Variants in ANKHD1 observed in about 807,000 individuals in gnomAD.
ANKHD1 encodes the protein ankyrin repeat and KH domain containing 1, also known as ankyrin repeat and KH domain-containing protein 1.
In ANKHD1, 31 loss-of-function variants were observed where a neutral mutation model predicts 230.5. The ratio of observed to expected loss-of-function variants is 0.13; its 90% CI spans 0.10 to 0.18. ANKHD1 has a LOEUF of 0.18. ANKHD1 is among the 10% of genes least tolerant of loss of function. ANKHD1 has a pLI of 1.00. For missense variants in ANKHD1, 2,256 were observed against 3,071.3 expected (o/e 0.73, Z 6.27); for synonymous variants, 1,074 against 1,117.6 (o/e 0.96, Z 0.78).
At chr5:140,538,872 T>C in intron 32 of ANKHD1, 47 bp from the exon 33 acceptor site, 1 of 1,407,592 alleles carries the variant, frequency 7.1e-7, no homozygotes, top group Non-Finnish European at 9.3e-7. Flanking sequence ...AGTAATTTTA[T>C]AATTTATAGT....
chr5:140,416,643 C>CT (rs1027897108), intron 1 of ANKHD1, among the ~76,000 whole-genome samples: 90 of 151,774 alleles, frequency 5.9e-4, no homozygotes, highest in African/African-American at 1.5e-3. Context: ...CAAATTTGTT[C>CT]TTTTTTTTAA....
rs1210881623 is a variant in ANKHD1, at chr5:140,528,553, T to C, written c.5607T>C (p.His1869=). 2 of 1,614,204 alleles carry C rather than the reference T, an allele frequency of 1.2e-6. No individual in the cohort carries two copies. Among genetic ancestry groups the C allele is most frequent in the South Asian group, 2.2e-5 (2 of 91,080 alleles). ...LAAQTMQQIR[H]PRLPMAQFGG... is the part of the protein sequence containing the mutation. ...CTCAAACTATGCAACAGATTCGGCA[T>C]CCTCGCTTACCCATGGCCCAGTTTG... The change falls in exon 29 of 34, where the codon CAT becomes CAC. Residue 1869 remains histidine, a synonymous_variant. Transcript: ENST00000360839.
rs1055076123 is a variant in ANKHD1 at position 140,539,731 on chromosome 5, G to A, written c.*313G>A. The A allele has an allele frequency of 9.0e-5, 19 of 212,070 alleles. No individual in the cohort carries two copies. The highest frequency in any genetic ancestry group is 8.4e-5 in the Non-Finnish European group (9 of 107,450). The allele number at this position is 212,070 out of a possible 1,614,324, so 13.1% of individuals were successfully genotyped here. A position where few individuals can be genotyped will look rare whatever the true frequency, so the allele number is the denominator to read the frequency against. Reference sequence around the variant, plus strand: ...TAGGGTGATAAATACATGTATAATTGTTTACATACTTAAAAGGAAAAAGTT... The same window carrying A: ...TAGGGTGATAAATACATGTATAATTATTTACATACTTAAAAGGAAAAAGTT... On this transcript the variant is annotated 3_prime_UTR_variant, in exon 34 of 34. Transcript: ENST00000360839.
At position 140,466,266 on chromosome 5, in the gene ANKHD1, C is replaced by G. The variant is rs900137977; in HGVS notation, c.1782+1490C>G. Among the ~76,000 whole-genome samples the G allele has an allele frequency of 3.3e-5, 5 of 152,086 alleles. No individual in the cohort carries two copies. In the East Asian group the frequency reaches 9.6e-4, roughly 29 times the overall value. On this transcript the variant is annotated intron_variant, in intron 10 of 33. Transcript: ENST00000360839. ...GTTAGCTGGGTGTGGTGGCACATGC[C>G]TGTAATCCCAGCTACTTGGGAGGCT...
chr5:140,493,621 T>TAAC (rs1751903601), intron 14 of ANKHD1, among the ~76,000 whole-genome samples: 1 of 152,242 alleles, frequency 6.6e-6, no homozygotes, highest in African/African-American at 2.4e-5. Context: ...CAATCTGTTT[T>TAAC]ATTCTTGATG....
rs374290769 is a variant in ANKHD1 at position 140,417,000 on chromosome 5, A to G, written c.306+14727A>G. On this transcript the variant is annotated intron_variant, in intron 1 of 33. Transcript: ENST00000360839. ...ATAATAATTATTAGCAAATCAAAGG[A>G]CTTGATCTGGACAAAATATTAAAAA... is the stretch of plus-strand genomic sequence containing the variant. Among the ~76,000 whole-genome samples, 4 of 152,100 alleles carry G rather than the reference A, an allele frequency of 2.6e-5. No individual in the cohort carries two copies. The East Asian group carries it at 7.7e-4, about 29-fold the overall frequency.
intron 8 of ANKHD1, 32 bp downstream of exon 8, chr5:140,458,894 A>T: frequency 6.5e-7 from 1 of 1,547,714 alleles, no homozygotes; most frequent in Admixed American, 1.8e-5. Flanking sequence ...TAGAAAAATC[A>T]GTTTTCTTTG....
rs139179628 is a variant in ANKHD1, at chr5:140,406,510, G to C, written c.306+4237G>C. ...AAAAACAAGCTACTCTTTCTTGCTG[G>C]CCAAGCAAAAGACCTTTTGGTTAGA... is the stretch of plus-strand genomic sequence containing the variant. On this transcript the variant is annotated intron_variant, in intron 1 of 33. Coordinates refer to ENST00000360839, the MANE Select transcript of ANKHD1 (RefSeq NM_017747.3). 8.1e-3 allele frequency among the ~76,000 whole-genome samples: 1,226 copies of C among 151,784 alleles called. 9 individuals carry two copies. The highest frequency in any genetic ancestry group is 0.014 in the Non-Finnish European group (935 of 67,964).
intron 6 of ANKHD1, 140 bp from the exon 7 acceptor site, chr5:140,449,071 C>A: frequency 1.3e-5 from 11 of 830,120 alleles, no homozygotes; most frequent in Non-Finnish European, 1.6e-5. Flanking sequence ...CTTTGTAAAA[C>A]TGTTACTGAT....
At chr5:140,489,631 T>A (rs1275702618) in intron 14 of ANKHD1, among the ~76,000 whole-genome samples, 1 of 152,258 alleles carries the variant, frequency 6.6e-6, no homozygotes, top group Non-Finnish European at 1.5e-5. Flanking sequence ...ATTTTTTAAG[T>A]TTATACTCTA....
At chr5:140,416,769 G>A (rs942646915) in intron 1 of ANKHD1, among the ~76,000 whole-genome samples, 2 of 151,842 alleles carry the variant, frequency 1.3e-5, no homozygotes, top group African/African-American at 4.8e-5. Context: ...ACAAGTGTGA[G>A]GCACCATGCC....
At chr5:140,462,569 C>T (rs1008205300) in intron 9 of ANKHD1, among the ~76,000 whole-genome samples, 1 of 150,930 alleles carries the variant, frequency 6.6e-6, no homozygotes, top group Admixed American at 6.6e-5. Context: ...CTAAAAAATA[C>T]AAAAAATTAG....
intron 24 of ANKHD1, 135 bp from the exon 25 acceptor site, chr5:140,523,931 T>C (rs1290504737): frequency 6.7e-6 from 8 of 1,195,786 alleles, no homozygotes; most frequent in Non-Finnish European, 8.9e-6. Flanking sequence ...CAGTTTATTT[T>C]TTCTTGTTGG....
At chr5:140,509,218 G>T (rs925328937) in intron 20 of ANKHD1, among the ~76,000 whole-genome samples, 6 of 152,092 alleles carry the variant, frequency 3.9e-5, no homozygotes, top group African/African-American at 1.4e-4. Flanking sequence ...TGTTATTTTG[G>T]ATAGTACCAG....
At position 140,538,979 on chromosome 5, in the gene ANKHD1, G is replaced by GTTCC; in HGVS notation, c.7466_7469dup (p.Gly2491SerfsTer7). 6.2e-7 allele frequency: 1 copy of GTTCC among 1,611,074 alleles called. No individual in the cohort carries two copies. Among genetic ancestry groups the GTTCC allele is most frequent in the Non-Finnish European group, 8.5e-7 (1 of 1,178,564 alleles). ...ACCCTCTCATCCTCAGCTTGCTGAT[G>GTTCC]TTCCAGGAGGCCCTCTGTTTAATGG... On this transcript the variant is annotated frameshift_variant, in exon 33 of 34. Coordinates refer to ENST00000360839, the MANE Select transcript of ANKHD1 (RefSeq NM_017747.3). LOFTEE classifies it high-confidence loss of function.
chr5:140,411,783 C>T (rs914223418), intron 1 of ANKHD1, among the ~76,000 whole-genome samples: 7 of 151,700 alleles, frequency 4.6e-5, no homozygotes, highest in South Asian at 4.2e-4. Context: ...CTCAGCCTCC[C>T]AAAGTGCTGG....
intron 30 of ANKHD1, among the ~76,000 whole-genome samples, chr5:140,536,868 C>G (rs1477111880): frequency 2.0e-5 from 3 of 151,970 alleles, no homozygotes; most frequent in Admixed American, 6.6e-5. Flanking sequence ...ACTAAAAATA[C>G]AAAATTACCA....
chr5:140,505,361 A>G, intron 17 of ANKHD1, 128 bp downstream of exon 17: 2 of 1,112,374 alleles, frequency 1.8e-6, no homozygotes, highest in South Asian at 3.3e-5. Context: ...AGTTAGGAAT[A>G]TCTGGATTCA....
chr5:140,412,424 C>A (rs954230303), intron 1 of ANKHD1, among the ~76,000 whole-genome samples: 1 of 152,182 alleles, frequency 6.6e-6, no homozygotes, highest in African/African-American at 2.4e-5. Context: ...TCCCAGAGGG[C>A]CAAGATTACA....
Sources: allele counts gnomAD v4.1 joint callset (sites outside exome capture counted in the v4.1 genomes callset), GRCh38; gene constraint gnomAD v4.1.1; transcripts MANE v1.5; gene names NCBI Gene and HGNC (gene_info 2026-07-23, HGNC 2026-07-21).